SMOC2: variants seen among roughly 807,000 people sequenced by gnomAD.
SMOC2 encodes SPARC-related modular calcium-binding protein 2.
A neutral mutation model predicts 61.4 loss-of-function variants in SMOC2; 39 were observed. The observed-to-expected ratio is 0.64, with a 90% confidence interval of 0.49 to 0.83. The LOEUF (loss-of-function observed/expected upper bound fraction) is 0.83, where lower values mean the gene tolerates loss of function less well. Ranked by LOEUF, SMOC2 falls within the 40% of genes least tolerant of loss-of-function variation. The probability of loss-of-function intolerance (pLI) is 0.00; values close to 1 mark genes in which losing one functional copy is unlikely to be tolerated. For missense variants in SMOC2, 556 were observed against 592.9 expected, an observed-to-expected ratio of 0.94 and a Z score of 0.65; for synonymous variants, 247 against 239.9, an observed-to-expected ratio of 1.03 and a Z score of -0.27.
intron 9 of SMOC2, among the ~76,000 whole-genome samples, chr6:168,609,460 C>T (rs1583156973): frequency 1.3e-5 from 2 of 152,074 alleles, no homozygotes; most frequent in East Asian, 3.9e-4. Context: ...GGGAAGAGAT[C>T]ACGATGGTGC....
intron 7 of SMOC2, among the ~76,000 whole-genome samples, chr6:168,591,568 A>G (rs1385098927): frequency 6.6e-6 from 1 of 151,408 alleles, no homozygotes; most frequent in African/African-American, 2.4e-5. Flanking sequence ...TTGGTTAAAA[A>G]TGTTGTAATG....
intron 2 of SMOC2, among the ~76,000 whole-genome samples, chr6:168,510,863 G>A (rs566826385): frequency 2.8e-4 from 42 of 152,144 alleles, no homozygotes; most frequent in Non-Finnish European, 5.6e-4. Flanking sequence ...TTTTGCAGAC[G>A]ACGAAGGCAG....
chr6:168,578,486 C>T (rs1327014364), intron 7 of SMOC2, among the ~76,000 whole-genome samples: 1 of 152,230 alleles, frequency 6.6e-6, no homozygotes, highest in Non-Finnish European at 1.5e-5. Context: ...TTGTTCATCT[C>T]TGAATAATTT....
At chr6:168,579,989 A>G (rs1784886834) in intron 7 of SMOC2, among the ~76,000 whole-genome samples, 1 of 152,122 alleles carries the variant, frequency 6.6e-6, no homozygotes, top group African/African-American at 2.4e-5. Context: ...GGATACAGAG[A>G]GAGGTAGGAG....
intron 8 of SMOC2, among the ~76,000 whole-genome samples, chr6:168,601,419 T>A (rs1268159524): frequency 1.3e-5 from 2 of 152,196 alleles, no homozygotes; most frequent in African/African-American, 4.8e-5. Flanking sequence ...GCGGGGCTGA[T>A]ATGGGGGATT....
chr6:168,570,931 C>T (rs986306201), intron 7 of SMOC2, among the ~76,000 whole-genome samples: 1 of 152,124 alleles, frequency 6.6e-6, no homozygotes, highest in African/African-American at 2.4e-5. Context: ...ATCCCTTCAT[C>T]TTTTCCAAGA....
intron 7 of SMOC2, among the ~76,000 whole-genome samples, chr6:168,595,186 A>G (rs1215156518): frequency 8.7e-6 from 1 of 115,238 alleles, no homozygotes; most frequent in Non-Finnish European, 1.8e-5. Flanking sequence ...CTCCTTCCTG[A>G]GGCCTCACGA....
At chr6:168,581,058 CT>C (rs1784906899) in intron 7 of SMOC2, among the ~76,000 whole-genome samples, 1 of 152,186 alleles carries the variant, frequency 6.6e-6, no homozygotes, top group African/African-American at 2.4e-5. Context: ...TGATTCCCCC[CT>C]GGTTTTTATA....
chr6:168,557,205 C>T (rs556027245), intron 7 of SMOC2, among the ~76,000 whole-genome samples: 1 of 152,166 alleles, frequency 6.6e-6, no homozygotes, highest in African/African-American at 2.4e-5. Context: ...ACACAAACAT[C>T]AAGACACCAA....
chr6:168,441,599 C>T (rs546677475), intron 1 of SMOC2, 145 bp downstream of exon 1: 1 of 1,200,524 alleles, frequency 8.3e-7, no homozygotes, highest in Non-Finnish European at 1.1e-6. Context: ...CTTCGCCTGC[C>T]GGCGAGGCTG....
At chr6:168,473,408 A>G (rs1782009690) in intron 1 of SMOC2, among the ~76,000 whole-genome samples, 1 of 151,984 alleles carries the variant, frequency 6.6e-6, no homozygotes, top group South Asian at 2.1e-4. Context: ...CTTACCTGCC[A>G]CCTGTGTGCC....
intron 2 of SMOC2, among the ~76,000 whole-genome samples, chr6:168,522,388 A>T (rs187544290): frequency 9.5e-4 from 144 of 152,352 alleles, no homozygotes; most frequent in African/African-American, 3.3e-3. Context: ...TTCAAACAAA[A>T]ATTTACATCT....
chr6:168,542,174 T>C (rs1783889561), intron 4 of SMOC2, among the ~76,000 whole-genome samples: 1 of 152,170 alleles, frequency 6.6e-6, no homozygotes. Context: ...AAGCTTAAGC[T>C]CTTTAAGAAA....
In SMOC2 at chr6:168,468,871, A is replaced by G. The variant is rs137882628; in HGVS notation, c.84+27417A>G. Among the ~76,000 whole-genome samples the G allele has an allele frequency of 6.4e-3, 976 of 152,234 alleles. 6 individuals carry two copies. The highest frequency in any genetic ancestry group is 0.022 in the African/African-American group (907 of 41,552). ...TTTATTTGTAAAGCTCATTTCTGCA[A>G]CTCTCAGTAATGTCTTTAAATAGTG... On this transcript the variant is annotated intron_variant, in intron 1 of 12. Coordinates refer to ENST00000356284, the MANE Select transcript of SMOC2 (RefSeq NM_001166412.2).
chr6:168,459,806 G>A (rs1186699055), intron 1 of SMOC2, among the ~76,000 whole-genome samples: 15 of 146,446 alleles, frequency 1.0e-4, no homozygotes, highest in African/African-American at 2.0e-4. Flanking sequence ...GGTGAGCCCC[G>A]GGCTGGGTGA....
intron 1 of SMOC2, among the ~76,000 whole-genome samples, chr6:168,500,515 C>T (rs1782702748): frequency 6.6e-6 from 1 of 152,064 alleles, no homozygotes; most frequent in South Asian, 2.1e-4. Context: ...TCCGCGTGGT[C>T]ATGCCCCGTG....
intron 2 of SMOC2, among the ~76,000 whole-genome samples, chr6:168,523,142 G>T (rs1488630535): frequency 5.3e-5 from 6 of 113,658 alleles, no homozygotes; most frequent in African/African-American, 1.7e-4. Flanking sequence ...ACTGCGGACT[G>T]CAGTGGCGCA....
At chr6:168,664,492 G>GCATGCGC (rs1282227449) in intron 12 of SMOC2, 1 of 404,628 alleles carries the variant, frequency 2.5e-6, no homozygotes, top group East Asian at 7.1e-5. Context: ...GGGATTACAG[G>GCATGCGC]CATGCGCCAC....
chr6:168,583,180 T>C (rs1361523053), intron 7 of SMOC2, among the ~76,000 whole-genome samples: 2 of 152,210 alleles, frequency 1.3e-5, no homozygotes, highest in African/African-American at 4.8e-5. Flanking sequence ...AAAAACTAAA[T>C]AACCTGCATC....
Sources: gnomAD v4.1 joint callset for allele counts (sites outside exome capture counted in the v4.1 genomes callset) on GRCh38, gnomAD v4.1.1 for gene constraint, MANE v1.5 for transcripts, NCBI Gene and HGNC (gene_info 2026-07-23, HGNC 2026-07-21) for gene names.